Variants in CTNND2 observed in about 807,000 individuals in gnomAD.
CTNND2 encodes catenin delta 2.
In CTNND2, 22 loss-of-function variants were observed where a neutral mutation model predicts 144.4. The ratio of observed to expected loss-of-function variants is 0.15; its 90% confidence interval spans 0.11 to 0.22. The LOEUF (loss-of-function observed/expected upper bound fraction) is 0.22. Among genes scored for constraint, CTNND2 ranks in the 10% least tolerant of loss-of-function variants. CTNND2 has a pLI of 1.00. For missense variants in CTNND2, 1,353 were observed against 1,618.8 expected (o/e 0.84, Z 2.82); for synonymous variants, 751 against 695.6 (o/e 1.08, Z -1.25).
At chr5:11,346,907 AATATAAACTTTGTGCATAAGAAGAAAT>A (rs1030210378) in intron 8 of CTNND2, among the ~76,000 whole-genome samples, 8 of 152,182 alleles carry the variant, frequency 5.3e-5, no homozygotes, top group African/African-American at 1.9e-4. Context: ...GTTCAGCTGC[AATATAAACTTTGTGCATAAGAAGAAAT>A]ATAGAGAATA....
At chr5:11,865,691 T>C (rs1273295950) in intron 1 of CTNND2, among the ~76,000 whole-genome samples, 2 of 152,086 alleles carry the variant, frequency 1.3e-5, no homozygotes, top group Non-Finnish European at 2.9e-5. Context: ...TTAAGGTCTC[T>C]AATCAGCTGA....
chr5:11,866,676 T>G (rs1560944494), intron 1 of CTNND2, among the ~76,000 whole-genome samples: 1 of 152,256 alleles, frequency 6.6e-6, no homozygotes, highest in Non-Finnish European at 1.5e-5. Context: ...TACTGCATTT[T>G]TCCTACAAAC....
At chr5:11,150,824 C>T (rs1260546306) in intron 12 of CTNND2, among the ~76,000 whole-genome samples, 1 of 152,008 alleles carries the variant, frequency 6.6e-6, no homozygotes, top group African/African-American at 2.4e-5. Flanking sequence ...TGGGGTTTCA[C>T]CATGTTGGTC....
Position 10,972,776 on chromosome 5 carries a change from C to CTT in CTNND2, c.*675_*676dup, listed in dbSNP as rs70947237. 4.3e-5 allele frequency: 6 copies of CTT among 138,278 alleles called. No homozygotes were observed. The highest frequency in any genetic ancestry group is 1.1e-4 in the African/African-American group (4 of 37,614). The allele number at this position is 138,278 out of a possible 1,614,324, so 8.6% of individuals were successfully genotyped here. A position where few individuals can be genotyped will look rare whatever the true frequency, so the allele number is the denominator to read the frequency against. ...ACTGCTAAATATTCCTTTTTTCCTG[C>CTT]TTTTTTTTTTTTTTGTTAAAACATA... On this transcript the variant is annotated 3_prime_UTR_variant, in exon 22 of 22. Transcript: ENST00000304623.
intron 9 of CTNND2, among the ~76,000 whole-genome samples, chr5:11,274,227 C>T (rs1029282048): frequency 2.6e-5 from 4 of 152,188 alleles, no homozygotes; most frequent in African/African-American, 9.7e-5. Context: ...TATTTTACAA[C>T]TTTATGAAAA....
Position 11,628,229 on chromosome 5 carries a change from AT to A in CTNND2, c.175-63174del, listed in dbSNP as rs539831211. On this transcript the variant is annotated intron_variant, in intron 2 of 21. Transcript: ENST00000304623. ...AAACAGGATAAATTAAAAAGTCTTA[AT>A]TTTAGATTAAAATATTTAATGGTCC... Among the ~76,000 whole-genome samples, 765 of 152,294 alleles carry A rather than the reference AT, an allele frequency of 5.0e-3. 3 individuals carry two copies. Among genetic ancestry groups the A allele is most frequent in the African/African-American group, 0.017 (717 of 41,552 alleles).
chr5:11,016,134 T>C (rs1192794147), intron 18 of CTNND2, among the ~76,000 whole-genome samples: 1 of 152,216 alleles, frequency 6.6e-6, no homozygotes, highest in East Asian at 1.9e-4. Context: ...TAAGGAGGGC[T>C]GACTAATTTC....
chr5:11,727,033 G>C (rs772819552), intron 2 of CTNND2, among the ~76,000 whole-genome samples: 21 of 152,150 alleles, frequency 1.4e-4, no homozygotes, highest in Non-Finnish European at 2.8e-4. Context: ...CAGAGTTCTA[G>C]AATTATTCAC....
rs981894716 is a variant in CTNND2, at chr5:11,903,689, C to T, written c.37+128G>A. The T allele has an allele frequency of 1.8e-5, 19 of 1,027,624 alleles. No individual in the cohort carries two copies. The South Asian group carries it at 3.6e-4, about 20-fold the overall frequency. 63.7% of individuals were successfully genotyped at this position (1,027,624 alleles called of 1,614,324 possible). A position where few individuals can be genotyped will look rare whatever the true frequency, so the allele number is the denominator to read the frequency against. On this transcript the variant is annotated intron_variant, in intron 1 of 21. Coordinates refer to ENST00000304623, the MANE Select transcript of CTNND2 (RefSeq NM_001332.4). The surrounding 1 kb of genome is among the most constrained non-coding windows in gnomAD (Gnocchi z 5.4). ...CGGTCCTCCCCGAGGCAGGCAGAAA[C>T]CCCGCAGCAGCCGCCGCCGCCGCCT...
At chr5:11,771,107 T>C (rs537689471) in intron 1 of CTNND2, among the ~76,000 whole-genome samples, 27 of 150,916 alleles carry the variant, frequency 1.8e-4, no homozygotes, top group African/African-American at 6.1e-4. Context: ...CTTTACATTA[T>C]AAAAAGGAAA....
chr5:11,643,677 T>A (rs921545370), intron 2 of CTNND2, among the ~76,000 whole-genome samples: 3 of 152,098 alleles, frequency 2.0e-5, no homozygotes, highest in African/African-American at 7.2e-5. Flanking sequence ...GTGAAATTAT[T>A]CTTACATAAC....
At chr5:11,697,409 C>T (rs1785192958) in intron 2 of CTNND2, among the ~76,000 whole-genome samples, 1 of 152,156 alleles carries the variant, frequency 6.6e-6, no homozygotes, top group African/African-American at 2.4e-5. Flanking sequence ...CAGATATGGT[C>T]CCTGTCTTGA....
At chr5:11,395,344 G>T (rs1759991234) in intron 6 of CTNND2, among the ~76,000 whole-genome samples, 1 of 152,258 alleles carries the variant, frequency 6.6e-6, no homozygotes, top group Non-Finnish European at 1.5e-5. Context: ...TGAGAATTCA[G>T]ATATTCCACA....
chr5:11,635,722 T>C (rs1217005867), intron 2 of CTNND2, among the ~76,000 whole-genome samples: 1 of 152,172 alleles, frequency 6.6e-6, no homozygotes, highest in Admixed American at 6.6e-5. Context: ...GAATATCTTT[T>C]TTTTCTTATA....
chr5:11,632,766 A>G (rs996583955), intron 2 of CTNND2, among the ~76,000 whole-genome samples: 1 of 152,186 alleles, frequency 6.6e-6, no homozygotes, highest in African/African-American at 2.4e-5. Context: ...TATTATGATG[A>G]CTCACCAAAT....
Position 11,185,375 on chromosome 5 carries a change from C to A in CTNND2, c.1975+14073G>T, listed in dbSNP as rs568244671. Among the ~76,000 whole-genome samples the A allele has an allele frequency of 2.6e-5, 4 of 152,274 alleles. No homozygotes were observed. In the East Asian group the frequency reaches 7.7e-4, roughly 29 times the overall value. ...GCTCTTGTCTACCCTGACTGAGCAA[C>A]CTTGTAGTGCTGCTCAGGCATCTAT... is the stretch of plus-strand genomic sequence containing the variant. On this transcript the variant is annotated intron_variant, in intron 11 of 21. Coordinates refer to ENST00000304623, the MANE Select transcript of CTNND2 (RefSeq NM_001332.4).
At chr5:11,647,943 G>A (rs774238636) in intron 2 of CTNND2, among the ~76,000 whole-genome samples, 1 of 152,144 alleles carries the variant, frequency 6.6e-6, no homozygotes, top group Non-Finnish European at 1.5e-5. Flanking sequence ...CAGAGTCACG[G>A]ACAGACATAG....
intron 18 of CTNND2, among the ~76,000 whole-genome samples, chr5:11,017,563 C>CAT (rs56181554): frequency 0.26 from 37,192 of 142,622 alleles, 5,171 homozygotes; most frequent in South Asian, 0.36. Context: ...GATATATATA[C>CAT]ATATATATAT....
chr5:11,699,950 G>A (rs566307054), intron 2 of CTNND2, among the ~76,000 whole-genome samples: 1 of 152,314 alleles, frequency 6.6e-6, no homozygotes, highest in African/African-American at 2.4e-5. Flanking sequence ...CGGATACTTG[G>A]TAGAAGCTCC....
Sources: gnomAD v4.1 joint callset for allele counts (sites outside exome capture counted in the v4.1 genomes callset) on GRCh38, gnomAD v4.1.1 for gene constraint, Gnocchi (gnomAD v3.1) non-coding constraint, MANE v1.5 for transcripts, NCBI Gene and HGNC (gene_info 2026-07-23, HGNC 2026-07-21) for gene names.